The following ATF7IP2 variants were observed in gnomAD, a reference collection of about 807,000 sequenced individuals.
The protein encoded by ATF7IP2 is activating transcription factor 7 interacting protein 2.
In ATF7IP2, 42 loss-of-function variants were observed where a neutral mutation model predicts 64.2. The observed-to-expected ratio is 0.65, with a 90% confidence interval of 0.51 to 0.85. The LOEUF (loss-of-function observed/expected upper bound fraction) is 0.85. Among genes scored for constraint, ATF7IP2 ranks in the 40% least tolerant of loss-of-function variants. The probability of loss-of-function intolerance (pLI) is 0.00; values close to 1 mark genes in which losing one functional copy is unlikely to be tolerated. For missense variants in ATF7IP2, 933 were observed against 784.2 expected (o/e 1.19, Z -2.27); for synonymous variants, 308 against 272.8 (o/e 1.13, Z -1.27).
intron 8 of ATF7IP2, chr16:10,449,801 G>A (rs982303280): frequency 7.2e-5 from 11 of 151,914 alleles, no homozygotes; most frequent in African/African-American, 2.7e-4. Flanking sequence ...GTTTTTAAGG[G>A]TTTTTCATGT....
At chr16:10,463,015 A>T (rs1453264359) in intron 9 of ATF7IP2, among the ~76,000 whole-genome samples, 1 of 152,122 alleles carries the variant, frequency 6.6e-6, no homozygotes, top group Non-Finnish European at 1.5e-5. Context: ...TTACAAATTC[A>T]TGTTCTTTGG....
Position 10,431,080 on chromosome 16 carries a change from TC to T in ATF7IP2, c.463del (p.Leu155PhefsTer10). ...TGAGCATCAGACAAATGTAACAAGA[TC>T]CCTTTTTGAGCATGAGGGGGCTTGT... ...DSEHQTNVTRSLFEHEGACSL... is the reference protein window; with the variant it reads ...DSEHQTNVTRXLFEHEGACSL... On this transcript the variant is annotated frameshift_variant, in exon 5 of 14. Coordinates refer to ENST00000562102, the MANE Select transcript of ATF7IP2 (RefSeq NM_001393719.1). LOFTEE classifies it high-confidence loss of function. The T allele has an allele frequency of 6.2e-7, 1 of 1,614,110 alleles. No individual in the cohort carries two copies. Among genetic ancestry groups the T allele is most frequent in the Non-Finnish European group, 8.5e-7 (1 of 1,180,016 alleles).
intron 2 of ATF7IP2, among the ~76,000 whole-genome samples, chr16:10,416,259 C>T (rs113327361): frequency 0.018 from 2,711 of 152,246 alleles, 73 homozygotes; most frequent in African/African-American, 0.061. Flanking sequence ...CAATAGAATA[C>T]TATTCAGCCA....
intron 6 of ATF7IP2, among the ~76,000 whole-genome samples, chr16:10,434,663 T>C (rs1428865658): frequency 6.6e-6 from 1 of 152,126 alleles, no homozygotes; most frequent in East Asian, 1.9e-4. Flanking sequence ...AAGTGTTCTG[T>C]TGTTGGCAGG....
intron 1 of ATF7IP2, among the ~76,000 whole-genome samples, chr16:10,406,924 A>G (rs1330178864): frequency 6.6e-6 from 1 of 152,194 alleles, no homozygotes; most frequent in Non-Finnish European, 1.5e-5. Context: ...GTTACCCAAT[A>G]CCAAAACCAA....
chr16:10,386,946 C>G (rs774750712), intron 1 of ATF7IP2: 3 of 152,304 alleles, frequency 2.0e-5, no homozygotes, highest in Non-Finnish European at 2.9e-5. Context: ...AATGAAGTTT[C>G]TAACCACGTG....
intron 1 of ATF7IP2, among the ~76,000 whole-genome samples, chr16:10,412,728 T>C (rs924840319): frequency 1.3e-5 from 2 of 152,212 alleles, no homozygotes; most frequent in Non-Finnish European, 2.9e-5. Context: ...ATTATTTCTT[T>C]GTTGACTTTC....
At chr16:10,417,040 C>G (rs2047892575) in intron 2 of ATF7IP2, among the ~76,000 whole-genome samples, 1 of 152,008 alleles carries the variant, frequency 6.6e-6, no homozygotes, top group Non-Finnish European at 1.5e-5. Context: ...CAAATTAAAA[C>G]TGGAAATGAA....
In ATF7IP2 at chr16:10,425,351, C is replaced by T. The variant is rs143561645; in HGVS notation, c.-159-3517C>T. Among the ~76,000 whole-genome samples, 19 of 151,268 alleles carry T rather than the reference C, an allele frequency of 1.3e-4. No individual in the cohort carries two copies. The East Asian group carries it at 2.7e-3, about 22-fold the overall frequency. Reference sequence around the variant, plus strand: ...TCCTAAACTGCTGGCATTACACAGGCGTGAGCCACTGTGCCCAGCTGGAAA... The same window carrying T: ...TCCTAAACTGCTGGCATTACACAGGTGTGAGCCACTGTGCCCAGCTGGAAA... On this transcript the variant is annotated intron_variant, in intron 3 of 13. Coordinates refer to ENST00000562102, the MANE Select transcript of ATF7IP2 (RefSeq NM_001393719.1).
At chr16:10,437,623 A>G (rs1423032997) in intron 6 of ATF7IP2, among the ~76,000 whole-genome samples, 1 of 152,202 alleles carries the variant, frequency 6.6e-6, no homozygotes, top group Non-Finnish European at 1.5e-5. Context: ...CTAAAGGGTC[A>G]AGTAGCTTAT....
intron 1 of ATF7IP2, among the ~76,000 whole-genome samples, chr16:10,391,604 T>C (rs1386920352): frequency 6.6e-6 from 1 of 152,036 alleles, no homozygotes; most frequent in Non-Finnish European, 1.5e-5. Flanking sequence ...ACATCACTAA[T>C]ATCAAGAATG....
intron 1 of ATF7IP2, among the ~76,000 whole-genome samples, chr16:10,396,532 CT>C (rs2047422163): frequency 6.6e-6 from 1 of 152,004 alleles, no homozygotes; most frequent in Non-Finnish European, 1.5e-5. Context: ...AGTTTGTTTT[CT>C]TTTTTTCGAG....
intron 1 of ATF7IP2, among the ~76,000 whole-genome samples, chr16:10,394,870 A>C (rs2047393694): frequency 6.6e-6 from 1 of 152,158 alleles, no homozygotes; most frequent in Non-Finnish European, 1.5e-5. Context: ...TAGAAAATTT[A>C]TAGTGATAAA....
intron 13 of ATF7IP2, among the ~76,000 whole-genome samples, 189 bp from the exon 14 acceptor site, chr16:10,481,647 T>G (rs1168060352): frequency 6.6e-6 from 1 of 152,224 alleles, no homozygotes; most frequent in Admixed American, 6.5e-5. Context: ...TCTGGATTAT[T>G]GATATTCCAG....
At chr16:10,423,059 A>G (rs922471360) in intron 3 of ATF7IP2, among the ~76,000 whole-genome samples, 1 of 152,200 alleles carries the variant, frequency 6.6e-6, no homozygotes, top group Admixed American at 6.5e-5. Flanking sequence ...CCTGGCTAAC[A>G]TGGTGGAACT....
At chr16:10,450,782 T>C (rs2048960302) in intron 8 of ATF7IP2, among the ~76,000 whole-genome samples, 1 of 152,256 alleles carries the variant, frequency 6.6e-6, no homozygotes, top group South Asian at 2.1e-4. Context: ...TGCCAGTCTG[T>C]GTCTTTTAAT....
chr16:10,446,804 G>C (rs994145290), intron 8 of ATF7IP2: 1 of 152,176 alleles, frequency 6.6e-6, no homozygotes, highest in Admixed American at 6.6e-5. Context: ...CATCTTGGGG[G>C]TTTTGGGGTG....
At chr16:10,427,197 G>C (rs1182292158) in intron 3 of ATF7IP2, among the ~76,000 whole-genome samples, 1 of 152,114 alleles carries the variant, frequency 6.6e-6, no homozygotes, top group African/African-American at 2.4e-5. Context: ...GAAAATGAAA[G>C]AGGAAAGACA....
intron 7 of ATF7IP2, 113 bp from the exon 8 acceptor site, chr16:10,440,251 T>A (rs927003301): frequency 1.6e-5 from 8 of 487,404 alleles, no homozygotes; most frequent in African/African-American, 1.6e-4. Context: ...AATTTTTCAT[T>A]TGGGTAGATG....
Sources: allele counts gnomAD v4.1 joint callset (sites outside exome capture counted in the v4.1 genomes callset), GRCh38; gene constraint gnomAD v4.1.1; transcripts MANE v1.5; gene names NCBI Gene and HGNC (gene_info 2026-07-23, HGNC 2026-07-21).